RASAL2: variants seen among roughly 807,000 people sequenced by gnomAD.
RASAL2 encodes ras GTPase-activating protein nGAP.
In RASAL2, 58 loss-of-function variants were observed where a neutral mutation model predicts 128.9. The ratio of observed to expected loss-of-function variants is 0.45; its 90% CI spans 0.36 to 0.56. The LOEUF (loss-of-function observed/expected upper bound fraction) is 0.56, where lower values mean the gene tolerates loss of function less well. RASAL2 is among the 20% of genes least tolerant of loss of function. RASAL2 has a pLI of 0.00. For missense variants in RASAL2, 1,360 were observed against 1,601.6 expected (o/e 0.85, Z 2.57); for synonymous variants, 561 against 580.8 (o/e 0.97, Z 0.49).
At chr1:178,286,735 C>T (rs1041482018) in intron 2 of RASAL2, among the ~76,000 whole-genome samples, 2 of 152,080 alleles carry the variant, frequency 1.3e-5, no homozygotes, top group African/African-American at 4.8e-5. Flanking sequence ...TAACCTTCCT[C>T]GTCGTTTTTT....
intron 4 of RASAL2, among the ~76,000 whole-genome samples, chr1:178,413,870 A>G (rs1674576042): frequency 6.6e-6 from 1 of 152,242 alleles, no homozygotes; most frequent in Admixed American, 6.5e-5. Flanking sequence ...GCAGAAATGA[A>G]GAATGCCTTT....
chr1:178,290,351 A>C lies in RASAL2; in HGVS notation c.330+6660A>C, dbSNP rs561666968. 1.0e-3 allele frequency among the ~76,000 whole-genome samples: 159 copies of C among 152,336 alleles called. 1 individual carries two copies. The highest frequency in any genetic ancestry group is 3.6e-3 in the African/African-American group (148 of 41,584). On this transcript the variant is annotated intron_variant, in intron 2 of 17. Transcript: ENST00000367649. Reference sequence around the variant, plus strand: ...ATCTTCTATCCTTTCTTTCCATGATATATCTACCCAGAACATGTAACTTAA... The same window carrying C: ...ATCTTCTATCCTTTCTTTCCATGATCTATCTACCCAGAACATGTAACTTAA...
intron 3 of RASAL2, among the ~76,000 whole-genome samples, chr1:178,370,599 G>A (rs1671648635): frequency 6.6e-6 from 1 of 151,906 alleles, no homozygotes; most frequent in African/African-American, 2.4e-5. Context: ...TTAAGTAATC[G>A]TCAAAATGGT....
At chr1:178,401,043 A>G in intron 4 of RASAL2, among the ~76,000 whole-genome samples, 1 of 152,104 alleles carries the variant, frequency 6.6e-6, no homozygotes, top group East Asian at 1.9e-4. Context: ...GAGCCACCCC[A>G]CCCAGCCAAT....
At chr1:178,324,153 T>C in intron 3 of RASAL2, among the ~76,000 whole-genome samples, 1 of 152,220 alleles carries the variant, frequency 6.6e-6, no homozygotes, top group East Asian at 1.9e-4. Flanking sequence ...ACATAAACTT[T>C]GATTTGAGCC....
chr1:178,248,026 T>C (rs1268680527), intron 1 of RASAL2, among the ~76,000 whole-genome samples: 3 of 152,238 alleles, frequency 2.0e-5, no homozygotes, highest in Non-Finnish European at 4.4e-5. Context: ...TGTGTAGTGC[T>C]GAGAAGAATG....
intron 1 of RASAL2, among the ~76,000 whole-genome samples, chr1:178,117,945 A>G (rs1008072298): frequency 6.6e-6 from 1 of 152,096 alleles, no homozygotes; most frequent in African/African-American, 2.4e-5. Flanking sequence ...TGGGTGGATC[A>G]CCTGAGGTCA....
At chr1:178,425,696 C>T (rs1004990240) in intron 5 of RASAL2, among the ~76,000 whole-genome samples, 10 of 152,068 alleles carry the variant, frequency 6.6e-5, no homozygotes, top group Admixed American at 5.2e-4. Context: ...CCAACCATAA[C>T]ATATTTGTTT....
chr1:178,369,932 G>A (rs1259848500), intron 3 of RASAL2, among the ~76,000 whole-genome samples: 6 of 152,122 alleles, frequency 3.9e-5, no homozygotes, highest in South Asian at 2.1e-4. Flanking sequence ...AAGTACGGAC[G>A]TGAGAGCCAT....
At chr1:178,180,485 CAAAAAAAAAAAA>C (rs71108033) in intron 1 of RASAL2, among the ~76,000 whole-genome samples, 1 of 72,540 alleles carries the variant, frequency 1.4e-5, no homozygotes, top group South Asian at 5.8e-4. Flanking sequence ...TCATCTCTAC[CAAAAAAAAAAAA>C]AAAAAAAAAA....
intron 3 of RASAL2, among the ~76,000 whole-genome samples, chr1:178,302,129 G>C (rs1406773344): frequency 6.6e-6 from 1 of 152,022 alleles, no homozygotes; most frequent in African/African-American, 2.4e-5. Flanking sequence ...TAATTGTTCT[G>C]TTTTTTTATT....
rs773927986 is a variant in RASAL2 at position 178,094,506 on chromosome 1, C to G, written c.14C>G (p.Pro5Arg). ...CCTCGGGGCACCATGGAGCTCTCTC[C>G]GTCGTCCGGAGGAGCCGCGGAGGCG... MELS[P>R]SSGGAAEALS... Residue 5 changes from proline (P) to arginine (R), a missense_variant, in exon 1 of 18, where the codon CCG (proline) becomes CGG (arginine). Pro to Arg is a moderately radical substitution (Grantham distance 103, BLOSUM62 -2). Around this residue, in one of 3 missense-constraint regions of RASAL2, gnomAD observed 617 missense variants for 714.2 expected, o/e 0.86. Transcript: ENST00000367649. 1.9e-6 allele frequency: 3 copies of G among 1,558,104 alleles called. No individual in the cohort carries two copies. The highest frequency in any genetic ancestry group is 2.6e-6 in the Non-Finnish European group (3 of 1,152,556).
intron 12 of RASAL2, chr1:178,456,371 T>C (rs1392844776): frequency 3.1e-6 from 1 of 321,240 alleles, no homozygotes; most frequent in Non-Finnish European, 5.9e-6. Flanking sequence ...CACCTTGATC[T>C]ACTAGCCTCC....
chr1:178,460,962 C>T (rs896384802), intron 14 of RASAL2, among the ~76,000 whole-genome samples: 4 of 152,026 alleles, frequency 2.6e-5, no homozygotes, highest in African/African-American at 9.7e-5. Flanking sequence ...TACAGATGCC[C>T]ACCACCACGC....
At position 178,444,922 on chromosome 1, in the gene RASAL2, T is replaced by C. The variant is rs560130505; in HGVS notation, c.1483-596T>C. 2.6e-5 allele frequency among the ~76,000 whole-genome samples: 4 copies of C among 152,160 alleles called. No homozygotes were observed. In the East Asian group the frequency reaches 7.7e-4, roughly 29 times the overall value. On this transcript the variant is annotated intron_variant, in intron 8 of 17. Transcript: ENST00000367649. Reference sequence around the variant, plus strand: ...TTAATCAAGTAATTACAGAAATAAATATGATTACAGTGAGAACTACAGAGG... The same window carrying C: ...TTAATCAAGTAATTACAGAAATAAACATGATTACAGTGAGAACTACAGAGG...
At chr1:178,313,533 C>A (rs181151640) in intron 3 of RASAL2, among the ~76,000 whole-genome samples, 1 of 151,864 alleles carries the variant, frequency 6.6e-6, no homozygotes, top group Admixed American at 6.5e-5. Flanking sequence ...CTCTGTCACC[C>A]GGGCTGGAGT....
chr1:178,196,536 G>A (rs1487131543), intron 1 of RASAL2, among the ~76,000 whole-genome samples: 1 of 152,156 alleles, frequency 6.6e-6, no homozygotes, highest in Admixed American at 6.5e-5. Flanking sequence ...TGAATTTGCT[G>A]CATGCTGAGT....
At chr1:178,171,573 G>A (rs1471948663) in intron 1 of RASAL2, among the ~76,000 whole-genome samples, 7 of 151,930 alleles carry the variant, frequency 4.6e-5, no homozygotes, top group Non-Finnish European at 1.0e-4. Context: ...GGTTGGTGTG[G>A]ATTATATTCC....
At chr1:178,339,902 G>T (rs1250606273) in intron 3 of RASAL2, among the ~76,000 whole-genome samples, 1 of 152,102 alleles carries the variant, frequency 6.6e-6, no homozygotes, top group African/African-American at 2.4e-5. Context: ...GTGAATGACT[G>T]GTTGGACTAG....
Sources: gnomAD v4.1 joint callset for allele counts (sites outside exome capture counted in the v4.1 genomes callset) on GRCh38, gnomAD v4.1.1 for gene constraint, gnomAD v4.1.1 regional missense constraint, MANE v1.5 for transcripts, NCBI Gene and HGNC (gene_info 2026-07-23, HGNC 2026-07-21) for gene names.